Variants in TMEM161A observed in about 807,000 individuals in gnomAD.
TMEM161A encodes adaptive response to oxidative stress protein 29.
TMEM161A carries 46 observed loss-of-function variants against 57.1 expected under a neutral mutation model. The ratio of observed to expected loss-of-function variants is 0.81; its 90% CI spans 0.64 to 1.03. The LOEUF (loss-of-function observed/expected upper bound fraction) is 1.03. TMEM161A is among the 50% of genes least tolerant of loss of function. The probability of loss-of-function intolerance (pLI) is 0.00; values close to 1 mark genes in which losing one functional copy is unlikely to be tolerated. For synonymous variants in TMEM161A, 288 were observed against 279.0 expected, an observed-to-expected ratio of 1.03 and a Z score of -0.32; for missense variants, 601 against 621.5, an observed-to-expected ratio of 0.97 and a Z score of 0.35.
Position 19,132,818 on chromosome 19 carries a change from C to A in TMEM161A, c.189-64G>T. 7.7e-7 allele frequency: 1 copy of A among 1,298,270 alleles called. No individual in the cohort carries two copies. Among genetic ancestry groups the A allele is most frequent in the South Asian group, 1.5e-5 (1 of 67,928 alleles). The allele number at this position is 1,298,270 out of a possible 1,614,324, so 80.4% of individuals were successfully genotyped here. A position where few individuals can be genotyped will look rare whatever the true frequency, so the allele number is the denominator to read the frequency against. On this transcript the variant is annotated intron_variant, in intron 3 of 11. Transcript: ENST00000162044. The surrounding 1 kb of genome is among the most constrained non-coding windows in gnomAD (Gnocchi z 4.3). ...GCATTCCACTGAGGCCAGCCACCCT[C>A]AGAGCTCAGAGCAGCTGGCCTGGAG...
Position 19,121,841 on chromosome 19 carries a change from C to A in TMEM161A, c.596-22G>T, listed in dbSNP as rs1473683142. ...AGACCTGGGGACGATAAGAAGAGGA[C>A]CGAGTAGAGTGAATTCCTAGGGTCT... On this transcript the variant is annotated intron_variant, in intron 6 of 11. Transcript: ENST00000162044. The surrounding 1 kb of genome is among the most constrained non-coding windows in gnomAD (Gnocchi z 5.8). 6.2e-7 allele frequency: 1 copy of A among 1,612,992 alleles called. No individual in the cohort carries two copies. The highest frequency in any genetic ancestry group is 8.5e-7 in the Non-Finnish European group (1 of 1,179,864).
intron 2 of TMEM161A, among the ~76,000 whole-genome samples, chr19:19,134,213 C>G (rs1446343433): frequency 6.6e-6 from 1 of 152,132 alleles, no homozygotes; most frequent in Non-Finnish European, 1.5e-5. Context: ...GGCTGGGTTA[C>G]AGGGAGGCAG....
chr19:19,121,430 T>G lies in TMEM161A; in HGVS notation c.801-9A>C, dbSNP rs1392744135. 1 of 1,613,088 alleles carries G rather than the reference T, an allele frequency of 6.2e-7. No homozygotes were observed. The highest frequency in any genetic ancestry group is 8.5e-7 in the Non-Finnish European group (1 of 1,179,622). ...TGGTGTGCAGGAGGAACCTGGGGGG[T>G]GAGGGCAGGAGGGAGTGAGGCCTGG... is the stretch of plus-strand genomic sequence containing the variant. On this transcript the variant is annotated splice_polypyrimidine_tract_variant and intron_variant, in intron 8 of 11. Coordinates refer to ENST00000162044, the MANE Select transcript of TMEM161A (RefSeq NM_017814.3). The surrounding 1 kb of genome is among the most constrained non-coding windows in gnomAD (Gnocchi z 5.8).
Position 19,138,443 on chromosome 19 carries a change from C to T in TMEM161A, c.-15G>A. ...TCGCTCACCATGACGCGTGCGAGAA[C>T]GCGGTGCACTCACCCACCGGCCTAG... is the stretch of plus-strand genomic sequence containing the variant. On this transcript the variant is annotated 5_prime_UTR_variant, in exon 1 of 12. Transcript: ENST00000162044. The T allele has an allele frequency of 1.9e-6, 3 of 1,601,184 alleles. No homozygotes were observed. Among genetic ancestry groups the T allele is most frequent in the South Asian group, 1.1e-5 (1 of 88,862 alleles).
chr19:19,120,202 G>A lies in TMEM161A; in HGVS notation c.1187-19C>T. 1.3e-6 allele frequency: 2 copies of A among 1,524,828 alleles called. No homozygotes were observed. The highest frequency in any genetic ancestry group is 1.8e-6 in the Non-Finnish European group (2 of 1,132,204). 94.5% of individuals were successfully genotyped at this position (1,524,828 alleles called of 1,614,324 possible). ...TAGCCTCCTAGGAGAAGAGGATGAA[G>A]CGAGGTATGAGTGGAAAAATGGGGG... On this transcript the variant is annotated intron_variant, in intron 11 of 11. Transcript: ENST00000162044.
Position 19,129,415 on chromosome 19 carries a change from G to C in TMEM161A, c.595+741C>G, listed in dbSNP as rs1325523828. On this transcript the variant is annotated intron_variant, in intron 6 of 11. Coordinates refer to ENST00000162044, the MANE Select transcript of TMEM161A (RefSeq NM_017814.3). ...TAAGACCGGGGGAGTGTGGTGCCGG[G>C]CAGAGAAGTGATGAGGTCCAAATTA... Among the ~76,000 whole-genome samples, 5 of 152,026 alleles carry C rather than the reference G, an allele frequency of 3.3e-5. No homozygotes were observed. The South Asian group carries it at 6.2e-4, about 19-fold the overall frequency.
chr19:19,126,277 G>A (rs2059930910), intron 6 of TMEM161A, among the ~76,000 whole-genome samples: 2 of 152,070 alleles, frequency 1.3e-5, no homozygotes, highest in African/African-American at 4.8e-5. Flanking sequence ...CACTAGAGGT[G>A]ACACTTACAA....
In TMEM161A at chr19:19,120,671, TC is replaced by T. The variant is rs1034084903; in HGVS notation, c.1186+93del. ...CCGCCCCCTGCCTAGGCCCCGCCTC[TC>T]CCCCCCCACCGCGGTCCCCGCCAGA... On this transcript the variant is annotated intron_variant, in intron 11 of 11. Transcript: ENST00000162044. 1.7e-4 allele frequency: 142 copies of T among 835,222 alleles called. 1 individual carries two copies. The highest frequency in any genetic ancestry group is 3.1e-4 in the African/African-American group (17 of 54,384). The allele number at this position is 835,222 out of a possible 1,614,324, so 51.7% of individuals were successfully genotyped here.
At chr19:19,134,723 G>T in intron 2 of TMEM161A, 61 bp downstream of exon 2, 2 of 1,260,038 alleles carry the variant, frequency 1.6e-6, no homozygotes, top group Non-Finnish European at 2.2e-6. Flanking sequence ...GAGGCGGGGC[G>T]TGGGGAGCCA....
chr19:19,131,967 T>C (rs2059961472), intron 5 of TMEM161A, among the ~76,000 whole-genome samples: 1 of 152,204 alleles, frequency 6.6e-6, no homozygotes, highest in Admixed American at 6.6e-5. Flanking sequence ...GGAGTATATA[T>C]TTTTTAAAAT....
intron 6 of TMEM161A, among the ~76,000 whole-genome samples, chr19:19,125,993 C>T (rs568695307): frequency 7.7e-6 from 1 of 130,014 alleles, no homozygotes; most frequent in South Asian, 2.6e-4. Context: ...AGGCCGGGCA[C>T]GGTGGCTCGC....
chr19:19,132,673 C>A lies in TMEM161A; in HGVS notation c.270G>T (p.Thr90=). Residue 90 remains threonine (T), a synonymous_variant, in exon 4 of 12, where the codon ACG becomes ACT. Coordinates refer to ENST00000162044, the MANE Select transcript of TMEM161A (RefSeq NM_017814.3). The surrounding 1 kb of genome is among the most constrained non-coding windows in gnomAD (Gnocchi z 4.3). ...GGCTATTACCCAGGGCATCCACGGT[C>A]GTGAGGGGGCAGGTCTCCAGCTGGA... ...APFQLETCPL[T]TVDALVLRFF... 6.3e-7 allele frequency: 1 copy of A among 1,574,860 alleles called. No individual in the cohort carries two copies.
chr19:19,133,596 C>T (rs1026453012), intron 2 of TMEM161A, among the ~76,000 whole-genome samples: 3 of 151,762 alleles, frequency 2.0e-5, no homozygotes, highest in Non-Finnish European at 4.4e-5. Context: ...CTCAGCCTCC[C>T]GAGGAGCTGG....
Position 19,121,738 on chromosome 19 carries a change from T to A in TMEM161A, c.656+21A>T, listed in dbSNP as rs781472806. On this transcript the variant is annotated intron_variant, in intron 7 of 11. Transcript: ENST00000162044. The surrounding 1 kb of genome is among the most constrained non-coding windows in gnomAD (Gnocchi z 5.8). Reference sequence around the variant, plus strand: ...GGGTCCCAGCCTGCCCTTGCCTCCCTCCCCCATTCCCAGGACTCACGCCCA... The same window carrying A: ...GGGTCCCAGCCTGCCCTTGCCTCCCACCCCCATTCCCAGGACTCACGCCCA... The A allele has an allele frequency of 4.3e-6, 7 of 1,613,386 alleles. No individual in the cohort carries two copies. The highest frequency in any genetic ancestry group is 5.9e-6 in the Non-Finnish European group (7 of 1,179,618).
At chr19:19,133,109 G>A in intron 3 of TMEM161A, 21 bp downstream of exon 3, 1 of 1,610,526 alleles carries the variant, frequency 6.2e-7, no homozygotes, top group Non-Finnish European at 8.5e-7. Context: ...CAAGGCTGGG[G>A]CTGGGGCCCA....
At position 19,119,853 on chromosome 19, in the gene TMEM161A, G is replaced by A. The variant is rs1383895775; in HGVS notation, c.*77C>T. 30 of 1,494,150 alleles carry A rather than the reference G, an allele frequency of 2.0e-5. No individual in the cohort carries two copies. The highest frequency in any genetic ancestry group is 2.8e-5 in the African/African-American group (2 of 71,856). The allele number at this position is 1,494,150 out of a possible 1,614,324, so 92.6% of individuals were successfully genotyped here. A position where few individuals can be genotyped will look rare whatever the true frequency, so the allele number is the denominator to read the frequency against. Reference sequence around the variant, plus strand: ...CCACCTTGCAGCTGGGGACACGGGGGCGCAAACAGAGGGGGCAGGCTAGTG... The same window carrying A: ...CCACCTTGCAGCTGGGGACACGGGGACGCAAACAGAGGGGGCAGGCTAGTG... On this transcript the variant is annotated 3_prime_UTR_variant, in exon 12 of 12. Coordinates refer to ENST00000162044, the MANE Select transcript of TMEM161A (RefSeq NM_017814.3).
rs138083325 is a variant in TMEM161A, at chr19:19,131,481, T to TAC, written c.443+869_443+870dup. 1.7e-3 allele frequency among the ~76,000 whole-genome samples: 222 copies of TAC among 132,118 alleles called. 3 individuals are homozygous for TAC. The highest frequency in any genetic ancestry group is 3.6e-3 in the Admixed American group (42 of 11,726). 86.7% of individuals were successfully genotyped at this position (132,118 alleles called of 152,430 possible). On this transcript the variant is annotated intron_variant, in intron 5 of 11. Coordinates refer to ENST00000162044, the MANE Select transcript of TMEM161A (RefSeq NM_017814.3). The stretch of plus-strand genomic sequence containing the variant: ...ACAAATATATATACATGTACATACA[T>TAC]ACACACACACACATATATATATATA...
intron 6 of TMEM161A, among the ~76,000 whole-genome samples, chr19:19,126,976 G>A (rs2059933835): frequency 1.2e-5 from 1 of 82,930 alleles, no homozygotes; most frequent in Non-Finnish European, 2.9e-5. Flanking sequence ...GAATCCGGGA[G>A]GCAAAGGTTG....
chr19:19,132,237 T>A lies in TMEM161A; in HGVS notation c.443+115A>T, dbSNP rs931689579. On this transcript the variant is annotated intron_variant, in intron 5 of 11. Coordinates refer to ENST00000162044, the MANE Select transcript of TMEM161A (RefSeq NM_017814.3). This position sits in a 1 kb window ranked among gnomAD's most constrained non-coding sequence, Gnocchi z 4.3. ...AAATGTCTGCTTCATGTCACTAAGC[T>A]TGGGGAAGTTTGTGGCACAGCAGGT... 1.5e-5 allele frequency: 18 copies of A among 1,240,168 alleles called. No homozygotes were observed. In the African/African-American group the frequency reaches 2.6e-4, roughly 18 times the overall value. 76.8% of individuals were successfully genotyped at this position (1,240,168 alleles called of 1,614,324 possible).
Sources: allele counts gnomAD v4.1 joint callset (sites outside exome capture counted in the v4.1 genomes callset), GRCh38; gene constraint gnomAD v4.1.1; non-coding constraint Gnocchi (gnomAD v3.1); transcripts MANE v1.5; gene names NCBI Gene and HGNC (gene_info 2026-07-23, HGNC 2026-07-21).